The following BLTP1 variants were observed in gnomAD, a reference collection of about 807,000 sequenced individuals.
BLTP1 encodes bridge-like lipid transfer protein family member 1, also known as fragile site-associated protein.
the BLTP1 span, chr4:122,349,375 T>A: frequency 6.4e-7 from 1 of 1,561,768 alleles, no homozygotes. This position sits in a 1 kb window ranked among gnomAD's most constrained non-coding sequence, Gnocchi z 4.5. Flanking sequence ...TCAAAAAAAA[T>A]GCTTTTGGAG....
the BLTP1 span, chr4:122,228,935 A>T: frequency 5.4e-6 from 1 of 186,268 alleles, no homozygotes; most frequent in Non-Finnish European, 1.0e-5. Flanking sequence ...TCTAACGTAT[A>T]GTTTTCTAAT....
the BLTP1 span, chr4:122,245,054 C>T: frequency 6.8e-6 from 11 of 1,611,940 alleles, no homozygotes; most frequent in South Asian, 3.3e-5. Context: ...TGCTAGTACC[C>T]GACATCCAGC....
the BLTP1 span, among the ~76,000 whole-genome samples, chr4:122,338,143 G>T: frequency 7.1e-6 from 1 of 139,870 alleles, no homozygotes; most frequent in Non-Finnish European, 1.6e-5. Flanking sequence ...AATGAATGAG[G>T]GTTTGAGGGT....
At chr4:122,214,562 A>G in the BLTP1 span, 5 of 934,946 alleles carry the variant, frequency 5.3e-6, 1 homozygote, top group South Asian at 2.0e-4. Context: ...ATTACCATCT[A>G]CCTTACATTT....
At chr4:122,271,426 A>G in the BLTP1 span, 2 of 1,613,914 alleles carry the variant, frequency 1.2e-6, no homozygotes, top group South Asian at 1.1e-5. Flanking sequence ...GTGGCAATAG[A>G]GTAAATAATG....
chr4:122,265,842 C>T, the BLTP1 span, among the ~76,000 whole-genome samples: 1 of 151,930 alleles, frequency 6.6e-6, no homozygotes, highest in South Asian at 2.1e-4. Flanking sequence ...GGAATACAGG[C>T]ACCCGCCACT....
At chr4:122,359,858 T>A in the BLTP1 span, 1 of 1,379,272 alleles carries the variant, frequency 7.3e-7, no homozygotes, top group Non-Finnish European at 9.3e-7. Flanking sequence ...ATAGCTTCTG[T>A]GTGCTGTCTT....
the BLTP1 span, chr4:122,341,949 C>A: frequency 2.4e-6 from 1 of 423,908 alleles, no homozygotes; most frequent in Non-Finnish European, 3.2e-6. Context: ...AGTTTGTCAA[C>A]TCTGAATAAC....
the BLTP1 span, chr4:122,209,407 G>A: frequency 6.9e-7 from 1 of 1,450,232 alleles, no homozygotes; most frequent in Non-Finnish European, 9.5e-7. Flanking sequence ...CACTTTGGGA[G>A]GCCGAGATGG....
chr4:122,227,750 A>G, the BLTP1 span: 2 of 152,646 alleles, frequency 1.3e-5, no homozygotes, highest in Non-Finnish European at 2.9e-5. Context: ...TTGGTGATAA[A>G]AATTTTTTTT....
chr4:122,310,668 C>T, the BLTP1 span, among the ~76,000 whole-genome samples: 1 of 152,168 alleles, frequency 6.6e-6, no homozygotes, highest in Non-Finnish European at 1.5e-5. Flanking sequence ...GCATCTCTCA[C>T]ATGTGGTTCA....
At chr4:122,155,051 C>A in the BLTP1 span, 1 of 483,180 alleles carries the variant, frequency 2.1e-6, no homozygotes, top group Non-Finnish European at 2.7e-6. Context: ...TATTGAGTAT[C>A]ATGTGTCAGA....
chr4:122,179,900 G>A, the BLTP1 span: 17 of 985,136 alleles, frequency 1.7e-5, no homozygotes, highest in African/African-American at 3.0e-4. Flanking sequence ...CATACAGACA[G>A]GGGTACCATT....
At chr4:122,286,689 A>T in the BLTP1 span, 2 of 1,614,068 alleles carry the variant, frequency 1.2e-6, no homozygotes, top group Non-Finnish European at 8.5e-7. Context: ...TAATGGAAGA[A>T]CATGATAGTT....
the BLTP1 span, among the ~76,000 whole-genome samples, chr4:122,176,771 A>G: frequency 6.6e-6 from 1 of 152,206 alleles, no homozygotes; most frequent in Non-Finnish European, 1.5e-5. Flanking sequence ...TAATTTTCCT[A>G]ATATTTTGCC....
the BLTP1 span, chr4:122,188,894 G>T: frequency 3.0e-5 from 28 of 948,334 alleles, no homozygotes; most frequent in Non-Finnish European, 3.4e-5. Flanking sequence ...CTCTTGGCTG[G>T]CCTGGTATTC....
chr4:122,262,762 A>G, the BLTP1 span: 1 of 1,574,990 alleles, frequency 6.3e-7, no homozygotes, highest in Non-Finnish European at 8.6e-7. Context: ...CACTTTCTGT[A>G]GGGCATTCAC....
the BLTP1 span, chr4:122,174,634 C>T: frequency 6.2e-7 from 1 of 1,600,700 alleles, no homozygotes; most frequent in Non-Finnish European, 8.6e-7. Context: ...TATTACATTA[C>T]AGAAGACATG....
At chr4:122,215,143 A>G in the BLTP1 span, among the ~76,000 whole-genome samples, 4 of 152,202 alleles carry the variant, frequency 2.6e-5, no homozygotes, top group African/African-American at 7.2e-5. Context: ...GACACATTTA[A>G]TAAAAATTAG....
Sources: allele counts gnomAD v4.1 joint callset (sites outside exome capture counted in the v4.1 genomes callset), GRCh38; gene constraint gnomAD v4.1.1; non-coding constraint Gnocchi (gnomAD v3.1); transcripts MANE v1.5; gene names NCBI Gene and HGNC (gene_info 2026-07-23, HGNC 2026-07-21).